Variants in ARID4A observed in about 807,000 individuals in gnomAD.
ARID4A encodes AT-rich interactive domain-containing protein 4A.
Under a neutral mutation model 148.6 loss-of-function variants are expected in ARID4A, and 39 were observed. The ratio of observed to expected loss-of-function variants is 0.26; its 90% confidence interval spans 0.20 to 0.34. ARID4A has a LOEUF of 0.34. Ranked by LOEUF, ARID4A falls within the 10% of genes least tolerant of loss-of-function variation. ARID4A has a pLI of 1.00. For missense variants in ARID4A, 1,265 were observed against 1,449.1 expected (o/e 0.87, Z 2.06); for synonymous variants, 475 against 481.2 (o/e 0.99, Z 0.17).
chr14:58,310,409 G>A (rs1006711260), intron 5 of ARID4A, among the ~76,000 whole-genome samples: 6 of 151,958 alleles, frequency 3.9e-5, no homozygotes, highest in African/African-American at 1.2e-4. Context: ...CATGATACTG[G>A]CACAAAAATA....
chr14:58,348,807 T>C (rs1480256028), intron 15 of ARID4A, among the ~76,000 whole-genome samples: 1 of 152,202 alleles, frequency 6.6e-6, no homozygotes, highest in Non-Finnish European at 1.5e-5. Context: ...GTGAATGTCA[T>C]GAAATTTCCA....
chr14:58,341,893 A>G (rs1486459787), intron 11 of ARID4A, among the ~76,000 whole-genome samples: 1 of 152,226 alleles, frequency 6.6e-6, no homozygotes, highest in Non-Finnish European at 1.5e-5. Flanking sequence ...TGAAGGGAAG[A>G]AGTCTCAGAT....
At chr14:58,312,623 T>C (rs1401206272) in intron 5 of ARID4A, among the ~76,000 whole-genome samples, 1 of 152,244 alleles carries the variant, frequency 6.6e-6, no homozygotes, top group African/African-American at 2.4e-5. Context: ...ATAATTTTGT[T>C]AATCATAACT....
At chr14:58,365,463 T>A in intron 20 of ARID4A, 55 bp from the exon 21 acceptor site, 1 of 1,237,082 alleles carries the variant, frequency 8.1e-7, no homozygotes, top group Non-Finnish European at 1.1e-6. Flanking sequence ...ATAATATACT[T>A]GCTCTTTTTT....
Position 58,364,728 on chromosome 14 carries a change from C to G in ARID4A, c.2639C>G (p.Thr880Ser). The change falls in exon 20 of 24, where the codon ACT becomes AGT. Residue 880 changes from threonine to serine, a missense_variant. Around this residue, in one of 9 missense-constraint regions of ARID4A, gnomAD observed 666 missense variants for 730.9 expected, o/e 0.91. Coordinates refer to ENST00000355431, the MANE Select transcript of ARID4A (RefSeq NM_002892.4). Reference protein sequence around the residue: ...RIENGMEMTNTVSQERTSDCI... With the variant: ...RIENGMEMTNSVSQERTSDCI... Reference sequence around the variant, plus strand: ...GAGAATGGAATGGAAATGACAAATACTGTATCTCAAGAAAGGACCAGTGAT... The same window carrying G: ...GAGAATGGAATGGAAATGACAAATAGTGTATCTCAAGAAAGGACCAGTGAT... 1 of 1,613,852 alleles carries G rather than the reference C, an allele frequency of 6.2e-7. No individual in the cohort carries two copies. Among genetic ancestry groups the G allele is most frequent in the Non-Finnish European group, 8.5e-7 (1 of 1,179,934 alleles).
chr14:58,364,185 A>G lies in ARID4A; in HGVS notation c.2096A>G (p.Asp699Gly). The G allele has an allele frequency of 7.1e-7, 1 of 1,409,480 alleles. No individual in the cohort carries two copies. Among genetic ancestry groups the G allele is most frequent in the Non-Finnish European group, 9.4e-7 (1 of 1,062,484 alleles). The allele number at this position is 1,409,480 out of a possible 1,614,324, so 87.3% of individuals were successfully genotyped here. The change falls in exon 20 of 24, where the codon GAT (aspartate) becomes GGT (glycine). Residue 699 changes from aspartate (D) to glycine (G), a missense_variant. By Grantham distance (94) the Asp-to-Gly change is moderately conservative. This residue lies in a region of ARID4A where 666 missense variants were observed against 730.9 expected (regional missense o/e 0.91). Transcript: ENST00000355431. Reference sequence around the variant, plus strand: ...CCTCTTACAGACTCTTGTTCATCTGATAGTGAAACAGAAGATGCTTTAGAA... The same window carrying G: ...CCTCTTACAGACTCTTGTTCATCTGGTAGTGAAACAGAAGATGCTTTAGAA... ...SEGKSDSCSS[D>G]SETEDALEKN...
chr14:58,310,559 A>G (rs771976300), intron 5 of ARID4A, among the ~76,000 whole-genome samples: 1 of 152,146 alleles, frequency 6.6e-6, no homozygotes, highest in Non-Finnish European at 1.5e-5. Flanking sequence ...GGAAAACTGG[A>G]TATCTACATG....
At chr14:58,323,815 G>A in intron 8 of ARID4A, among the ~76,000 whole-genome samples, 198 bp downstream of exon 8, 1 of 150,338 alleles carries the variant, frequency 6.7e-6, no homozygotes, top group Non-Finnish European at 1.5e-5. Context: ...TTCTCTGTAG[G>A]CTTTTATTGA....
intron 3 of ARID4A, among the ~76,000 whole-genome samples, chr14:58,303,123 T>C (rs928400915): frequency 2.6e-5 from 4 of 152,196 alleles, no homozygotes; most frequent in African/African-American, 7.2e-5. Context: ...ATTATAGAGG[T>C]ATATCATATA....
Position 58,364,595 on chromosome 14 carries a change from A to G in ARID4A, c.2506A>G (p.Lys836Glu). 1 of 1,613,206 alleles carries G rather than the reference A, an allele frequency of 6.2e-7. No individual in the cohort carries two copies. Among genetic ancestry groups the G allele is most frequent in the East Asian group, 2.2e-5 (1 of 44,864 alleles). Residue 836 changes from lysine (K) to glutamate (E), a missense_variant, in exon 20 of 24, where the codon AAA (lysine) becomes GAA (glutamate). Physicochemically the swap from Lys to Glu is moderately conservative, Grantham distance 56. Coordinates refer to ENST00000355431, the MANE Select transcript of ARID4A (RefSeq NM_002892.4). ...HSLELSSLDNKNFSSATEDEI... is the reference protein window; with the variant it reads ...HSLELSSLDNENFSSATEDEI... ...TCTTGAATTGTCTTCATTAGACAAT[A>G]AAAACTTTTCTTCTGCTACAGAAGA...
intron 3 of ARID4A, among the ~76,000 whole-genome samples, chr14:58,302,125 A>C (rs2140129203): frequency 6.6e-6 from 1 of 152,280 alleles, no homozygotes; most frequent in Non-Finnish European, 1.5e-5. Flanking sequence ...TGGGAGGCCG[A>C]AGTGGGCAGA....
chr14:58,316,916 A>C (rs774136187), intron 5 of ARID4A, among the ~76,000 whole-genome samples: 3 of 360 alleles, frequency 8.3e-3, no homozygotes, highest in Admixed American at 0.031. Context: ...ACTAAAGGCC[A>C]GGCGCGGTGC....
rs375836285 is a variant in ARID4A at position 58,358,793 on chromosome 14, T to G, written c.1854-339T>G. 2.6e-5 allele frequency among the ~76,000 whole-genome samples: 4 copies of G among 152,338 alleles called. 1 individual carries two copies. On this transcript the variant is annotated intron_variant, in intron 17 of 23. Transcript: ENST00000355431. ...TATTCATTCAATAGCACGAATTCTATTGCAGATCTGATTATAAGCTCAGGT... is the reference window on the plus strand; with the variant it reads ...TATTCATTCAATAGCACGAATTCTAGTGCAGATCTGATTATAAGCTCAGGT...
chr14:58,321,907 G>A (rs1279657596), intron 7 of ARID4A, among the ~76,000 whole-genome samples: 1 of 151,832 alleles, frequency 6.6e-6, no homozygotes, highest in African/African-American at 2.4e-5. Flanking sequence ...TGTCTTGCTG[G>A]TTTTTGTATT....
At chr14:58,329,322 C>A (rs1352379486) in intron 9 of ARID4A, among the ~76,000 whole-genome samples, 1 of 152,170 alleles carries the variant, frequency 6.6e-6, no homozygotes. Flanking sequence ...TCTCAATGTA[C>A]TTTGAGTATA....
chr14:58,334,848 A>T (rs934184237), intron 11 of ARID4A, among the ~76,000 whole-genome samples: 2 of 152,122 alleles, frequency 1.3e-5, no homozygotes, highest in Non-Finnish European at 2.9e-5. Context: ...TTTTTAAAAC[A>T]TGCTTACATC....
chr14:58,314,458 C>CA (rs1287753671), intron 5 of ARID4A, among the ~76,000 whole-genome samples: 2 of 152,154 alleles, frequency 1.3e-5, no homozygotes, highest in Admixed American at 6.5e-5. Context: ...ATCAGGGTCT[C>CA]ACTTTGTTGC....
In ARID4A at chr14:58,364,287, A is replaced by T. The variant is rs1173069640; in HGVS notation, c.2198A>T (p.Asp733Val). Residue 733 changes from aspartate (D) to valine (V), a missense_variant, in exon 20 of 24, where the codon GAT (aspartate) becomes GTT (valine). By Grantham distance (152) the Asp-to-Val change is radical. This residue lies in a region of ARID4A where 666 missense variants were observed against 730.9 expected (regional missense o/e 0.91). Coordinates refer to ENST00000355431, the MANE Select transcript of ARID4A (RefSeq NM_002892.4). ...GAAAATTTGAATGATGATAAGCTAG[A>T]TGAAGAAAATCCAAAGATTTCTGCA... is the stretch of plus-strand genomic sequence containing the variant. ...KNENLNDDKL[D>V]EENPKISAHI... 2.6e-6 allele frequency: 4 copies of T among 1,561,936 alleles called. No individual in the cohort carries two copies. The highest frequency in any genetic ancestry group is 3.4e-6 in the Non-Finnish European group (4 of 1,164,380).
intron 16 of ARID4A, chr14:58,351,821 C>A (rs538453708): frequency 6.6e-6 from 1 of 152,412 alleles, no homozygotes; most frequent in Non-Finnish European, 1.5e-5. Context: ...AAAATACATT[C>A]TTGCCCCACA....
Sources: gnomAD v4.1 joint callset for allele counts (sites outside exome capture counted in the v4.1 genomes callset) on GRCh38, gnomAD v4.1.1 for gene constraint, gnomAD v4.1.1 regional missense constraint, MANE v1.5 for transcripts, NCBI Gene and HGNC (gene_info 2026-07-23, HGNC 2026-07-21) for gene names.